The following ZNF71 variants were observed in gnomAD, a reference collection of about 807,000 sequenced individuals.
The protein encoded by ZNF71 is zinc finger protein 71, also known as endothelial zinc finger protein induced by tumor necrosis factor alpha.
A neutral mutation model predicts 6.7 loss-of-function variants in ZNF71; 3 were observed. The observed-to-expected ratio is 0.45, with a 90% CI of 0.20 to 1.16. The LOEUF (loss-of-function observed/expected upper bound fraction) is 1.16. ZNF71 is among the 50% of genes most tolerant of loss of function. The probability of loss-of-function intolerance (pLI) is 0.25; values close to 1 mark genes in which losing one functional copy is unlikely to be tolerated. For missense variants in ZNF71, 688 were observed against 728.6 expected (o/e 0.94, Z 0.64); for synonymous variants, 343 against 311.1 (o/e 1.10, Z -1.08).
At chr19:56,595,824 C>T (rs1205589251) in intron 1 of ZNF71, among the ~76,000 whole-genome samples, 5 of 147,032 alleles carry the variant, frequency 3.4e-5, no homozygotes, top group Admixed American at 6.8e-5. Flanking sequence ...ATGGCTGTGT[C>T]TCTGGATATT....
rs1418729000 is a variant in ZNF71, at chr19:56,613,535, CACTT to C, written c.34-276_34-273del. ...ATTTGTTGATTCACTGGGTTAGACT[CACTT>C]TGCCTTCAGTTCCTTTCCATCTGGT... On this transcript the variant is annotated intron_variant, in intron 2 of 3. Transcript: ENST00000599599. This position sits in a 1 kb window ranked among gnomAD's most constrained non-coding sequence, Gnocchi z 4.6. Among the ~76,000 whole-genome samples, 2 of 152,184 alleles carry C rather than the reference CACTT, an allele frequency of 1.3e-5. No individual in the cohort carries two copies. The highest frequency in any genetic ancestry group is 4.2e-4 in the South Asian group (2 of 4,818).
intron 2 of ZNF71, among the ~76,000 whole-genome samples, chr19:56,604,495 C>T (rs11669483): frequency 0.41 from 62,750 of 152,024 alleles, 14,224 homozygotes; most frequent in Non-Finnish European, 0.52. Context: ...CTCCATCACA[C>T]GAGGCACTGT....
At chr19:56,601,483 C>A in intron 1 of ZNF71, 24 bp from the exon 2 acceptor site, 1 of 961,572 alleles carries the variant, frequency 1.0e-6, no homozygotes, top group Non-Finnish European at 1.2e-6. Flanking sequence ...TCTCAGCATG[C>A]CTCCCTCTTT....
At chr19:56,595,787 T>G (rs2044615642) in intron 1 of ZNF71, among the ~76,000 whole-genome samples, 1 of 151,788 alleles carries the variant, frequency 6.6e-6, no homozygotes, top group African/African-American at 2.4e-5. Flanking sequence ...TATGTGTGTG[T>G]GAGACAGATT....
At chr19:56,599,045 C>T (rs902752153) in intron 1 of ZNF71, among the ~76,000 whole-genome samples, 7 of 152,184 alleles carry the variant, frequency 4.6e-5, no homozygotes, top group Non-Finnish European at 7.3e-5. Flanking sequence ...CCCAGTGATT[C>T]TGGTACTTTG....
At chr19:56,604,969 T>C (rs949862676) in intron 2 of ZNF71, among the ~76,000 whole-genome samples, 9 of 152,166 alleles carry the variant, frequency 5.9e-5, no homozygotes, top group Non-Finnish European at 1.0e-4. Flanking sequence ...GTGGGGCCTG[T>C]AGCAAATTGG....
intron 3 of ZNF71, 87 bp downstream of exon 3, chr19:56,614,025 T>A: frequency 1.0e-6 from 1 of 998,348 alleles, no homozygotes; most frequent in Non-Finnish European, 1.2e-6. Flanking sequence ...GATCAACAGA[T>A]CTGACTACAT....
chr19:56,615,842 G>C (rs2044787018), intron 3 of ZNF71, among the ~76,000 whole-genome samples: 1 of 152,046 alleles, frequency 6.6e-6, no homozygotes, highest in African/African-American at 2.4e-5. Flanking sequence ...TGTATTTTTG[G>C]TGGTATATCT....
In ZNF71 at chr19:56,621,569, C is replaced by A. The variant is rs148434207; in HGVS notation, c.462C>A (p.Asp154Glu). The change falls in exon 4 of 4, where the codon GAC becomes GAA. Residue 154 changes from aspartate (D) to glutamate (E), a missense_variant. By Grantham distance (45) the Asp-to-Glu change is conservative (BLOSUM62 2). Coordinates refer to ENST00000599599, the MANE Select transcript of ZNF71 (RefSeq NM_001370215.1). ...QGCVLVPPRL[D>E]DPTEKGACPP... ...GTGTCCTGGTCCCACCACGGCTGGA[C>A]GACCCCACAGAAAAGGGGGCCTGTC... 6.2e-7 allele frequency: 1 copy of A among 1,614,184 alleles called. No individual in the cohort carries two copies. Among genetic ancestry groups the A allele is most frequent in the Non-Finnish European group, 8.5e-7 (1 of 1,180,020 alleles).
At chr19:56,614,916 G>A (rs1037214819) in intron 3 of ZNF71, among the ~76,000 whole-genome samples, 1 of 151,790 alleles carries the variant, frequency 6.6e-6, no homozygotes, top group Non-Finnish European at 1.5e-5. Context: ...GGATCCCCTG[G>A]TCTGCTTTAT....
At chr19:56,612,057 G>A (rs1007354107) in intron 2 of ZNF71, among the ~76,000 whole-genome samples, 9 of 152,196 alleles carry the variant, frequency 5.9e-5, no homozygotes, top group Non-Finnish European at 1.0e-4. Context: ...ATAGATTGGC[G>A]TGGATGTGGT....
At chr19:56,601,683 G>C (rs2044671985) in intron 2 of ZNF71, 92 bp downstream of exon 2, 2 of 847,790 alleles carry the variant, frequency 2.4e-6, no homozygotes, top group South Asian at 1.1e-4. Flanking sequence ...AAGGCCCCCA[G>C]TCCCATCTTC....
intron 2 of ZNF71, among the ~76,000 whole-genome samples, chr19:56,607,466 T>C (rs2044718659): frequency 6.6e-6 from 1 of 152,166 alleles, no homozygotes; most frequent in Admixed American, 6.5e-5. Context: ...TGTTCTAGGG[T>C]CTGAGGATTC....
At position 56,601,544 on chromosome 19, in the gene ZNF71, G is replaced by A. The variant is rs183439083; in HGVS notation, c.-15G>A. ...CCGCAGGCCTGTCTTCCTATTCACC[G>A]TGGGCAGCAGAGGGATGGCTGCTCA... is the stretch of plus-strand genomic sequence containing the variant. On this transcript the variant is annotated 5_prime_UTR_variant, in exon 2 of 4. In the 5' UTR this introduces an upstream ATG that the reference lacks. Coordinates refer to ENST00000599599, the MANE Select transcript of ZNF71 (RefSeq NM_001370215.1). 3.3e-5 allele frequency: 33 copies of A among 985,744 alleles called. No homozygotes were observed. The highest frequency in any genetic ancestry group is 1.1e-4 in the East Asian group (1 of 8,772). The allele number at this position is 985,744 out of a possible 1,614,324, so 61.1% of individuals were successfully genotyped here.
Position 56,623,046 on chromosome 19 carries a change from T to A in ZNF71, c.*289T>A. The A allele has an allele frequency of 2.1e-6, 1 of 478,898 alleles. No homozygotes were observed. The highest frequency in any genetic ancestry group is 3.6e-5 in the East Asian group (1 of 27,930). The allele number at this position is 478,898 out of a possible 1,614,324, so 29.7% of individuals were successfully genotyped here. ...CATCAGGGTTCCAGACTAGCCCTCT[T>A]GAGTAACTGTCCTAGAGCTGGGACA... On this transcript the variant is annotated 3_prime_UTR_variant, in exon 4 of 4. Transcript: ENST00000599599.
chr19:56,615,177 T>A (rs2044781063), intron 3 of ZNF71, among the ~76,000 whole-genome samples: 1 of 152,250 alleles, frequency 6.6e-6, no homozygotes. Context: ...TCTGGGCTAT[T>A]ACAAATAAAG....
chr19:56,598,289 A>G lies in ZNF71; in HGVS notation c.-53+2861A>G, dbSNP rs1250250642. Reference sequence around the variant, plus strand: ...TCCCTCCAGAGGGAACAGCAGATGCAGAGGCCAGGAGGCCTGGGGCCAAGC... The same window carrying G: ...TCCCTCCAGAGGGAACAGCAGATGCGGAGGCCAGGAGGCCTGGGGCCAAGC... On this transcript the variant is annotated intron_variant, in intron 1 of 3. Transcript: ENST00000599599. This position sits in a 1 kb window ranked among gnomAD's most constrained non-coding sequence, Gnocchi z 4.2. 6.6e-6 allele frequency among the ~76,000 whole-genome samples: 1 copy of G among 152,032 alleles called. No homozygotes were observed. Among genetic ancestry groups the G allele is most frequent in the East Asian group, 2.0e-4 (1 of 5,124 alleles).
At chr19:56,600,878 G>A (rs549209150) in intron 1 of ZNF71, among the ~76,000 whole-genome samples, 2 of 152,268 alleles carry the variant, frequency 1.3e-5, no homozygotes, top group African/African-American at 4.8e-5. Flanking sequence ...CTGGCTCTGA[G>A]AGCCCCTGGG....
At position 56,621,918 on chromosome 19, in the gene ZNF71, G is replaced by A; in HGVS notation, c.811G>A (p.Glu271Lys). Residue 271 changes from glutamate (E) to lysine (K), a missense_variant, in exon 4 of 4, where the codon GAG (glutamate) becomes AAG (lysine). Coordinates refer to ENST00000599599, the MANE Select transcript of ZNF71 (RefSeq NM_001370215.1). ...TGTGCACCAGCGCACGCACACGGGCGAGAAGCCGTATGTGTGCGACGTGTG... is the reference window on the plus strand; with the variant it reads ...TGTGCACCAGCGCACGCACACGGGCAAGAAGCCGTATGTGTGCGACGTGTG... The part of the protein sequence containing the change: ...LTVHQRTHTG[E>K]KPYVCDVCGK... 7.4e-6 allele frequency: 12 copies of A among 1,613,360 alleles called. No individual in the cohort carries two copies. The highest frequency in any genetic ancestry group is 1.0e-5 in the Non-Finnish European group (12 of 1,179,858).
Sources: allele counts gnomAD v4.1 joint callset (sites outside exome capture counted in the v4.1 genomes callset), GRCh38; gene constraint gnomAD v4.1.1; non-coding constraint Gnocchi (gnomAD v3.1); transcripts MANE v1.5; gene names NCBI Gene and HGNC (gene_info 2026-07-23, HGNC 2026-07-21).